PEX7: variants seen among roughly 807,000 people sequenced by gnomAD.
The protein encoded by PEX7 is peroxisomal biogenesis factor 7.
Under a neutral mutation model 47.5 loss-of-function variants are expected in PEX7, and 34 were observed. That is an observed-to-expected ratio of 0.72 (90% CI 0.54 to 0.95). The LOEUF (loss-of-function observed/expected upper bound fraction) is 0.95, where lower values mean the gene tolerates loss of function less well. PEX7 is among the 40% of genes least tolerant of loss of function. The pLI is 0.00. For synonymous variants in PEX7, 141 were observed against 148.8 expected, an observed-to-expected ratio of 0.95 and a Z score of 0.38; for missense variants, 394 against 400.3, an observed-to-expected ratio of 0.98 and a Z score of 0.13.
At position 136,913,742 on chromosome 6, in the gene PEX7, TA is replaced by T. The variant is rs1775972075; in HGVS notation, c.*218del. On this transcript the variant is annotated 3_prime_UTR_variant, in exon 10 of 10. Transcript: ENST00000318471. ...AAGCCATATTTAAAATTCTAAGAAATAATTAATGTTATGATATATCTTGTAG... is the reference window on the plus strand; with the variant it reads ...AAGCCATATTTAAAATTCTAAGAAATATTAATGTTATGATATATCTTGTAG... 1.8e-6 allele frequency: 1 copy of T among 557,078 alleles called. No homozygotes were observed. Among genetic ancestry groups the T allele is most frequent in the African/African-American group, 1.9e-5 (1 of 52,368 alleles). 34.5% of individuals were successfully genotyped at this position (557,078 alleles called of 1,614,324 possible). A position where few individuals can be genotyped will look rare whatever the true frequency, so the allele number is the denominator to read the frequency against.
chr6:136,877,797 G>A (rs1305410590), intron 8 of PEX7, among the ~76,000 whole-genome samples: 2 of 152,136 alleles, frequency 1.3e-5, no homozygotes. Flanking sequence ...CTCTTTTTCG[G>A]TTCCATATGA....
intron 3 of PEX7, among the ~76,000 whole-genome samples, chr6:136,829,825 C>G (rs890719134): frequency 1.3e-5 from 2 of 152,054 alleles, no homozygotes; most frequent in Non-Finnish European, 2.9e-5. Context: ...GTAGTCCCAG[C>G]TATTTGGTGG....
chr6:136,904,357 C>G (rs909532795), intron 9 of PEX7, among the ~76,000 whole-genome samples: 1 of 152,192 alleles, frequency 6.6e-6, no homozygotes, highest in Non-Finnish European at 1.5e-5. Context: ...TTTCCCAGTT[C>G]CAGCTCTGTA....
At chr6:136,894,051 C>T (rs1775601710) in intron 8 of PEX7, among the ~76,000 whole-genome samples, 2 of 152,126 alleles carry the variant, frequency 1.3e-5, no homozygotes, top group South Asian at 4.1e-4. Flanking sequence ...TATGATGAGC[C>T]AGGCATAGTG....
In PEX7 at chr6:136,900,365, C is replaced by A; in HGVS notation, c.903+2124C>A. On this transcript the variant is annotated intron_variant, in intron 9 of 9. Transcript: ENST00000318471. The surrounding 1 kb of genome is among the most constrained non-coding windows in gnomAD (Gnocchi z 4.2). The stretch of plus-strand genomic sequence containing the variant: ...TAATTATTTTTATGTACAGAAAACT[C>A]AACCGTGTACATTTAATCCAGTTTA... 1 of 229,002 alleles carries A rather than the reference C, an allele frequency of 4.4e-6. No individual in the cohort carries two copies. Among genetic ancestry groups the A allele is most frequent in the South Asian group, 6.4e-5 (1 of 15,620 alleles). The allele number at this position is 229,002 out of a possible 1,614,324, so 14.2% of individuals were successfully genotyped here. A position where few individuals can be genotyped will look rare whatever the true frequency, so the allele number is the denominator to read the frequency against.
At chr6:136,826,594 C>T (rs1002144694) in intron 3 of PEX7, 125 bp downstream of exon 3, 61 of 1,066,420 alleles carry the variant, frequency 5.7e-5, no homozygotes, top group Non-Finnish European at 8.5e-5. Flanking sequence ...ATTTCTTATA[C>T]ATACTAGATG....
chr6:136,823,572 A>C (rs1774126931), intron 1 of PEX7, among the ~76,000 whole-genome samples: 1 of 152,032 alleles, frequency 6.6e-6, no homozygotes, highest in Non-Finnish European at 1.5e-5. Flanking sequence ...AGCCTGGGTG[A>C]CAGACTGAGA....
chr6:136,826,271 C>A (rs774030395), intron 2 of PEX7, 48 bp from the exon 3 acceptor site: 9 of 1,593,222 alleles, frequency 5.6e-6, no homozygotes, highest in Admixed American at 1.7e-5. Flanking sequence ...TGTGTAGCTG[C>A]CTATGTAAGT....
At chr6:136,901,713 T>G (rs1008903939) in intron 9 of PEX7, among the ~76,000 whole-genome samples, 3 of 152,240 alleles carry the variant, frequency 2.0e-5, no homozygotes, top group Admixed American at 2.0e-4. Flanking sequence ...TGGGAGGACC[T>G]GTGAAGAATT....
At chr6:136,837,675 T>G (rs1235967028) in intron 3 of PEX7, among the ~76,000 whole-genome samples, 1 of 152,114 alleles carries the variant, frequency 6.6e-6, no homozygotes, top group African/African-American at 2.4e-5. Context: ...TATCTTCTTG[T>G]GTCAGAAAGC....
chr6:136,903,585 T>C (rs1775790622), intron 9 of PEX7, among the ~76,000 whole-genome samples: 1 of 151,992 alleles, frequency 6.6e-6, no homozygotes, highest in African/African-American at 2.4e-5. Flanking sequence ...TAGTTTTGTA[T>C]ATTTTTGTTT....
intron 3 of PEX7, among the ~76,000 whole-genome samples, chr6:136,839,031 A>T (rs374162146): frequency 4.6e-5 from 7 of 152,156 alleles, no homozygotes; most frequent in East Asian, 3.9e-4. Flanking sequence ...AAAATTAAAA[A>T]ATTAGCTGGT....
chr6:136,838,177 C>T (rs1376377128), intron 3 of PEX7, among the ~76,000 whole-genome samples: 1 of 152,158 alleles, frequency 6.6e-6, no homozygotes, highest in African/African-American at 2.4e-5. Context: ...TTGAAACATT[C>T]TGTGAACAAT....
At position 136,856,595 on chromosome 6, in the gene PEX7, T is replaced by A. The variant is rs936544688; in HGVS notation, c.527-10032T>A. On this transcript the variant is annotated intron_variant, in intron 5 of 9. Coordinates refer to ENST00000318471, the MANE Select transcript of PEX7 (RefSeq NM_000288.4). ...TTCTGTCATGGGCTCTGATGCGTCCTTGTGGATGTTCCTGAACTAATCACT... is the reference window on the plus strand; with the variant it reads ...TTCTGTCATGGGCTCTGATGCGTCCATGTGGATGTTCCTGAACTAATCACT... Among the ~76,000 whole-genome samples, 4 of 152,224 alleles carry A rather than the reference T, an allele frequency of 2.6e-5. No individual in the cohort carries two copies. The South Asian group carries it at 8.3e-4, about 32-fold the overall frequency.
At chr6:136,825,415 G>C in intron 2 of PEX7, 144 bp downstream of exon 2, 1 of 692,554 alleles carries the variant, frequency 1.4e-6, no homozygotes, top group Non-Finnish European at 2.5e-6. Context: ...ATTTTTAGCT[G>C]ATTGTGGTGG....
In PEX7 at chr6:136,860,303, C is replaced by T. The variant is rs569076683; in HGVS notation, c.527-6324C>T. On this transcript the variant is annotated intron_variant, in intron 5 of 9. Coordinates refer to ENST00000318471, the MANE Select transcript of PEX7 (RefSeq NM_000288.4). The stretch of plus-strand genomic sequence containing the variant: ...AGGATGAAGTGCCAAATGGTTACAT[C>T]AGGAGTTGCTGTCAAGGAAGTGGAA... 1.1e-4 allele frequency among the ~76,000 whole-genome samples: 17 copies of T among 151,984 alleles called. No individual in the cohort carries two copies. In the South Asian group the frequency reaches 3.5e-3, roughly 32 times the overall value.
intron 8 of PEX7, among the ~76,000 whole-genome samples, chr6:136,896,037 C>G (rs1582775918): frequency 6.6e-6 from 1 of 152,128 alleles, no homozygotes; most frequent in Admixed American, 6.5e-5. Context: ...ATCACACTTT[C>G]AGGCTGAAGT....
intron 5 of PEX7, among the ~76,000 whole-genome samples, chr6:136,848,623 T>C (rs112538967): frequency 6.6e-6 from 1 of 152,134 alleles, no homozygotes; most frequent in Non-Finnish European, 1.5e-5. Context: ...GGTTTTTGTC[T>C]TTGGTTCTGT....
In PEX7 at chr6:136,826,398, G is replaced by A; in HGVS notation, c.268G>A (p.Gly90Ser). ...EHVLITCSGDGSLQLWDTAKA... is the reference protein window; with the variant it reads ...EHVLITCSGDSSLQLWDTAKA... ...TGTCCTCATCACCTGTAGTGGCGAT[G>A]GCTCGCTGCAGCTCTGGGACACTGC... is the stretch of plus-strand genomic sequence containing the variant. Residue 90 changes from glycine (G) to serine (S), a missense_variant, in exon 3 of 10, where the codon GGC becomes AGC. By Grantham distance (56) the Gly-to-Ser change is moderately conservative (BLOSUM62 0). Transcript: ENST00000318471. The A allele has an allele frequency of 6.2e-7, 1 of 1,613,954 alleles. No homozygotes were observed. The highest frequency in any genetic ancestry group is 8.5e-7 in the Non-Finnish European group (1 of 1,180,014).
Sources: gnomAD v4.1 joint callset for allele counts (sites outside exome capture counted in the v4.1 genomes callset) on GRCh38, gnomAD v4.1.1 for gene constraint, Gnocchi (gnomAD v3.1) non-coding constraint, MANE v1.5 for transcripts, NCBI Gene and HGNC (gene_info 2026-07-23, HGNC 2026-07-21) for gene names.